TENM3: variants seen among roughly 807,000 people sequenced by gnomAD.
TENM3 encodes teneurin-3.
In TENM3, 63 loss-of-function variants were observed where a neutral mutation model predicts 255.1. That is an observed-to-expected ratio of 0.25 (90% CI 0.20 to 0.30). The LOEUF is 0.30. Ranked by LOEUF, TENM3 falls within the 10% of genes least tolerant of loss-of-function variation. The pLI is 1.00. For missense variants in TENM3, 2,929 were observed against 3,461.1 expected (o/e 0.85, Z 3.86); for synonymous variants, 1,306 against 1,322.3 (o/e 0.99, Z 0.27).
chr4:181,552,229 G>T, the TENM3 span, among the ~76,000 whole-genome samples: 1 of 152,044 alleles, frequency 6.6e-6, no homozygotes, highest in African/African-American at 2.4e-5. Context: ...AAATCATACT[G>T]GCTCTTTCGA....
At chr4:182,282,894 GA>G (rs35385277) in intron 1 of TENM3, among the ~76,000 whole-genome samples, 17,049 of 71,074 alleles carry the variant, frequency 0.24, 968 homozygotes, top group Middle Eastern at 0.34. Flanking sequence ...CTCCATTTCA[GA>G]AAAAAAAAAA....
At chr4:181,615,403 C>A in the TENM3 span, among the ~76,000 whole-genome samples, 4 of 152,162 alleles carry the variant, frequency 2.6e-5, no homozygotes, top group South Asian at 4.1e-4. Context: ...GAATATCCCA[C>A]GCCCGTTCAA....
chr4:181,673,409 C>A, the TENM3 span, among the ~76,000 whole-genome samples: 1 of 151,958 alleles, frequency 6.6e-6, no homozygotes, highest in East Asian at 1.9e-4. Flanking sequence ...TATCATGTAA[C>A]GTCATATAAA....
intron 3 of TENM3, among the ~76,000 whole-genome samples, chr4:182,447,783 G>T (rs1773050547): frequency 6.6e-6 from 1 of 152,118 alleles, no homozygotes; most frequent in South Asian, 2.1e-4. Flanking sequence ...GGAGGGATTG[G>T]AAGAAAGCAC....
chr4:181,524,255 C>T, the TENM3 span, among the ~76,000 whole-genome samples: 1 of 152,124 alleles, frequency 6.6e-6, no homozygotes, highest in Non-Finnish European at 1.5e-5. Context: ...CAATTTCTCA[C>T]AAGGCGAGTA....
rs397878555 is a variant in TENM3 at position 182,434,644 on chromosome 4, C to CA, written c.511+87728dup. Among the ~76,000 whole-genome samples the CA allele has an allele frequency of 9.2e-3, 1,124 of 121,566 alleles. 5 individuals carry two copies. The highest frequency in any genetic ancestry group is 0.034 in the Middle Eastern group (8 of 238). The allele number at this position is 121,566 out of a possible 152,430, so 79.8% of individuals were successfully genotyped here. ...CACCACTGCACTCCAGCCTGGGAGACAAAAAAAAAAAAACCGTATATTGGT... is the reference window on the plus strand; with the variant it reads ...CACCACTGCACTCCAGCCTGGGAGACAAAAAAAAAAAAAACCGTATATTGGT... On this transcript the variant is annotated intron_variant, in intron 3 of 27. Coordinates refer to ENST00000511685, the MANE Select transcript of TENM3 (RefSeq NM_001080477.4).
chr4:181,844,263 G>T, the TENM3 span, among the ~76,000 whole-genome samples: 939 of 152,174 alleles, frequency 6.2e-3, 31 homozygotes, highest in Admixed American at 0.041. Flanking sequence ...ATGAACTTTG[G>T]GGGGACACAT....
At chr4:181,470,351 A>G in the TENM3 span, among the ~76,000 whole-genome samples, 1 of 144,712 alleles carries the variant, frequency 6.9e-6, no homozygotes, top group Non-Finnish European at 1.5e-5. Context: ...TCCAGTTTTT[A>G]TACACAAAAC....
rs565313953 is a variant in TENM3, at chr4:182,434,618, G to A, written c.511+87689G>A. ...GCAGAAGTTGCAGTGAGCCAAGATC[G>A]CACCACTGCACTCCAGCCTGGGAGA... On this transcript the variant is annotated intron_variant, in intron 3 of 27. Transcript: ENST00000511685. Among the ~76,000 whole-genome samples the A allele has an allele frequency of 3.3e-5, 5 of 150,766 alleles. No individual in the cohort carries two copies. The East Asian group carries it at 5.9e-4, about 18-fold the overall frequency.
intron 1 of TENM3, among the ~76,000 whole-genome samples, chr4:182,180,255 A>C (rs187871285): frequency 6.6e-6 from 1 of 152,280 alleles, no homozygotes; most frequent in African/African-American, 2.4e-5. Context: ...TTTTCACCAA[A>C]TGACTTGAAC....
chr4:182,497,219 AT>A (rs959904829), intron 3 of TENM3, among the ~76,000 whole-genome samples: 5 of 149,512 alleles, frequency 3.3e-5, no homozygotes, highest in South Asian at 4.2e-4. Flanking sequence ...TGCCCGGCCA[AT>A]TTTTTTTTTA....
the TENM3 span, among the ~76,000 whole-genome samples, chr4:181,624,571 A>G: frequency 2.0e-5 from 3 of 152,182 alleles, no homozygotes; most frequent in East Asian, 1.9e-4. Flanking sequence ...CAAGATCATT[A>G]TTATGAAAGA....
At chr4:181,786,791 T>C in the TENM3 span, among the ~76,000 whole-genome samples, 1 of 151,150 alleles carries the variant, frequency 6.6e-6, no homozygotes. Flanking sequence ...GACAAGGCAA[T>C]GGTCAGGGAT....
At chr4:182,225,870 A>G (rs571713494) in intron 1 of TENM3, among the ~76,000 whole-genome samples, 1 of 152,292 alleles carries the variant, frequency 6.6e-6, no homozygotes, top group South Asian at 2.1e-4. Flanking sequence ...AATTTGATCC[A>G]ATCTAGCAGC....
At chr4:181,592,662 C>CTTTT in the TENM3 span, among the ~76,000 whole-genome samples, 5,097 of 130,000 alleles carry the variant, frequency 0.039, 232 homozygotes, top group Non-Finnish European at 0.058. Context: ...GAAAATCTCT[C>CTTTT]TTTTTTTTTT....
the TENM3 span, among the ~76,000 whole-genome samples, chr4:182,063,517 T>C: frequency 2.6e-5 from 4 of 152,202 alleles, no homozygotes; most frequent in Admixed American, 2.6e-4. Context: ...TTCAACCTGT[T>C]TATTCAAGTG....
At chr4:182,111,191 T>C in the TENM3 span, among the ~76,000 whole-genome samples, 2 of 142,990 alleles carry the variant, frequency 1.4e-5, no homozygotes, top group East Asian at 2.0e-4. Context: ...CTTCTTCTCT[T>C]TTTTTTTTTT....
chr4:182,639,187 T>C (rs890187775), intron 5 of TENM3, among the ~76,000 whole-genome samples: 1 of 152,206 alleles, frequency 6.6e-6, no homozygotes, highest in Non-Finnish European at 1.5e-5. Flanking sequence ...TAATTTGAAA[T>C]TTGTATACCA....
intron 1 of TENM3, among the ~76,000 whole-genome samples, chr4:182,153,830 A>G (rs1750510280): frequency 6.6e-6 from 1 of 152,166 alleles, no homozygotes; most frequent in Non-Finnish European, 1.5e-5. Flanking sequence ...TCATGAATGT[A>G]TCACGTATTT....
Sources: gnomAD v4.1 joint callset for allele counts (sites outside exome capture counted in the v4.1 genomes callset) on GRCh38, gnomAD v4.1.1 for gene constraint, MANE v1.5 for transcripts, NCBI Gene and HGNC (gene_info 2026-07-23, HGNC 2026-07-21) for gene names.